PKHD1: variants seen among roughly 807,000 people sequenced by gnomAD.
PKHD1 encodes the protein PKHD1 ciliary IPT domain containing fibrocystin/polyductin.
In PKHD1, 291 loss-of-function variants were observed where a neutral mutation model predicts 412.0. The observed-to-expected ratio is 0.71, with a 90% CI of 0.64 to 0.78. PKHD1 has a LOEUF of 0.78. Ranked by LOEUF, PKHD1 falls within the 30% of genes least tolerant of loss-of-function variation. PKHD1 has a pLI of 0.00. For synonymous variants in PKHD1, 1,777 were observed against 1,821.5 expected, an observed-to-expected ratio of 0.98 and a Z score of 0.62; for missense variants, 4,825 against 4,950.7, an observed-to-expected ratio of 0.97 and a Z score of 0.76.
At chr6:51,673,154 T>C (rs1303181944) in intron 60 of PKHD1, among the ~76,000 whole-genome samples, 1 of 152,162 alleles carries the variant, frequency 6.6e-6, no homozygotes, top group Non-Finnish European at 1.5e-5. Context: ...GAAGACCAAA[T>C]AATAACCCGT....
chr6:52,057,283 A>G (rs538234541), intron 16 of PKHD1, among the ~76,000 whole-genome samples: 1 of 152,284 alleles, frequency 6.6e-6, no homozygotes, highest in South Asian at 2.1e-4. Flanking sequence ...CTTTCTCCCA[A>G]GGGTAGCCCA....
intron 2 of PKHD1, 73 bp downstream of exon 2, chr6:52,084,809 A>G: frequency 1.0e-6 from 1 of 971,774 alleles, no homozygotes; most frequent in Non-Finnish European, 1.7e-6. Flanking sequence ...TATTACTTTA[A>G]GTTTCAATAA....
chr6:51,839,853 G>A (rs1173405476), intron 50 of PKHD1, among the ~76,000 whole-genome samples: 1 of 151,694 alleles, frequency 6.6e-6, no homozygotes, highest in Non-Finnish European at 1.5e-5. Flanking sequence ...TATCTAGTGT[G>A]TCAGCCACTG....
chr6:51,770,886 T>C (rs548983802), intron 55 of PKHD1, among the ~76,000 whole-genome samples: 1 of 152,190 alleles, frequency 6.6e-6, no homozygotes, highest in South Asian at 2.1e-4. Flanking sequence ...TGAAGGTATT[T>C]TGTCAATGTG....
chr6:52,010,249 C>T, intron 35 of PKHD1, 60 bp downstream of exon 35: 3 of 1,471,820 alleles, frequency 2.0e-6, no homozygotes, highest in Non-Finnish European at 2.8e-6. Flanking sequence ...TTAATGTACA[C>T]AATATTACAA....
intron 7 of PKHD1, 39 bp downstream of exon 7, chr6:52,073,424 T>G (rs771654051): frequency 4.1e-6 from 5 of 1,215,208 alleles, no homozygotes; most frequent in Non-Finnish European, 4.9e-6. Flanking sequence ...ATGCAGCATG[T>G]ATGTAACTAG....
intron 36 of PKHD1, among the ~76,000 whole-genome samples, chr6:51,950,220 A>AAATATATATATAT: frequency 1.5e-3 from 147 of 98,292 alleles, no homozygotes; most frequent in Middle Eastern, 4.8e-3. Context: ...GAAAAAAAAA[A>AAATATATATATAT]ATATATATAT....
intron 60 of PKHD1, among the ~76,000 whole-genome samples, chr6:51,716,026 G>A (rs1252684974): frequency 6.6e-6 from 1 of 152,132 alleles, no homozygotes; most frequent in Non-Finnish European, 1.5e-5. Context: ...CTATTAAAAA[G>A]TGGAATTCTT....
intron 52 of PKHD1, among the ~76,000 whole-genome samples, chr6:51,820,309 T>C (rs1311400134): frequency 6.6e-6 from 1 of 152,202 alleles, no homozygotes; most frequent in Non-Finnish European, 1.5e-5. Context: ...ATACAGTCTG[T>C]CAGTCCATCT....
Position 52,024,639 on chromosome 6 carries a change from C to A in PKHD1, c.5171G>T (p.Gly1724Val), listed in dbSNP as rs764535254. The change falls in exon 32 of 67, where the codon GGG becomes GTG. Residue 1724 changes from glycine (G) to valine (V), a missense_variant. Transcript: ENST00000371117. ...GAACACCAGGGCAGATGAGGCCCACCCTCTGATGCAGTCATAGCCTCTGAC... is the reference window on the plus strand; with the variant it reads ...GAACACCAGGGCAGATGAGGCCCACACTCTGATGCAGTCATAGCCTCTGAC... ...YHVRGYDCIR[G>V]WASSALVFTS... 6.2e-7 allele frequency: 1 copy of A among 1,614,012 alleles called. No individual in the cohort carries two copies. Among genetic ancestry groups the A allele is most frequent in the African/African-American group, 1.3e-5 (1 of 74,920 alleles).
At position 52,056,556 on chromosome 6, in the gene PKHD1, C is replaced by T. The variant is rs1413018540; in HGVS notation, c.1693+142G>A. 7 of 728,054 alleles carry T rather than the reference C, an allele frequency of 9.6e-6. No individual in the cohort carries two copies. In the South Asian group the frequency reaches 1.1e-4, roughly 11 times the overall value. The allele number at this position is 728,054 out of a possible 1,614,324, so 45.1% of individuals were successfully genotyped here. On this transcript the variant is annotated intron_variant, in intron 18 of 66. Coordinates refer to ENST00000371117, the MANE Select transcript of PKHD1 (RefSeq NM_138694.4). The stretch of plus-strand genomic sequence containing the variant: ...GCACAGTGCAGTGCCAGTCCCTCAG[C>T]CACTCAGTGTCCAAATCCAGGTTTC...
In PKHD1 at chr6:51,638,898, CA is replaced by C. The variant is rs1208095603; in HGVS notation, c.11456del (p.Leu3819Ter). 1.2e-6 allele frequency: 2 copies of C among 1,613,208 alleles called. No individual in the cohort carries two copies. The highest frequency in any genetic ancestry group is 4.5e-5 in the East Asian group (2 of 44,828). The part of the protein sequence containing the change: ...GYVSFYNLAV[L>X]ISGSNWHFIF... Reference sequence around the variant, plus strand: ...TAAAGTGCCAGTTTGACCCAGAGATCAAGACTGCCAAGTTGTAGAAGCTAAC... The same window carrying C: ...TAAAGTGCCAGTTTGACCCAGAGATCAGACTGCCAAGTTGTAGAAGCTAAC... On this transcript the variant is annotated frameshift_variant, in exon 64 of 67. Transcript: ENST00000371117. LOFTEE classifies it high-confidence loss of function.
At chr6:51,922,576 C>A (rs1784868100) in intron 37 of PKHD1, among the ~76,000 whole-genome samples, 1 of 152,220 alleles carries the variant, frequency 6.6e-6, no homozygotes, top group Non-Finnish European at 1.5e-5. Flanking sequence ...GCAGGCCTAG[C>A]TGAGCTGCGG....
chr6:51,794,410 A>T (rs899976498), intron 52 of PKHD1, among the ~76,000 whole-genome samples: 1 of 152,070 alleles, frequency 6.6e-6, no homozygotes, highest in Non-Finnish European at 1.5e-5. Context: ...ATCCTTATAG[A>T]TGCTGGATAT....
intron 60 of PKHD1, among the ~76,000 whole-genome samples, chr6:51,717,187 G>A (rs768571758): frequency 2.6e-5 from 4 of 152,160 alleles, no homozygotes; most frequent in African/African-American, 4.8e-5. Context: ...CAAGGCAGGC[G>A]GATCACTTGA....
rs186693395 is a variant in PKHD1 at position 51,868,781 on chromosome 6, T to A, written c.7487-672A>T. Among the ~76,000 whole-genome samples the A allele has an allele frequency of 7.3e-3, 1,104 of 152,222 alleles. 7 individuals carry two copies. The highest frequency in any genetic ancestry group is 0.011 in the Non-Finnish European group (778 of 67,982). ...CTCAATTAATCACTTGGGCAAATAG[T>A]ATTAGTAATACACTTTCTAAGTATT... On this transcript the variant is annotated intron_variant, in intron 47 of 66. Transcript: ENST00000371117.
intron 36 of PKHD1, among the ~76,000 whole-genome samples, chr6:51,947,520 T>C: frequency 6.6e-6 from 1 of 152,220 alleles, no homozygotes. Flanking sequence ...AAGCTCCCTA[T>C]TGACTCAATG....
intron 52 of PKHD1, among the ~76,000 whole-genome samples, chr6:51,823,594 C>T (rs1298731425): frequency 6.6e-6 from 1 of 152,112 alleles, no homozygotes; most frequent in Non-Finnish European, 1.5e-5. Context: ...AATGCCATGA[C>T]TGATTCAAGC....
At chr6:51,799,467 T>G (rs574681628) in intron 52 of PKHD1, among the ~76,000 whole-genome samples, 1 of 152,294 alleles carries the variant, frequency 6.6e-6, no homozygotes, top group East Asian at 1.9e-4. Flanking sequence ...AATGATGACA[T>G]ACTTTTTAAT....
Sources: allele counts gnomAD v4.1 joint callset (sites outside exome capture counted in the v4.1 genomes callset), GRCh38; gene constraint gnomAD v4.1.1; transcripts MANE v1.5; gene names NCBI Gene and HGNC (gene_info 2026-07-23, HGNC 2026-07-21).